Variants in WDR25 observed in about 807,000 individuals in gnomAD.
The protein encoded by WDR25 is WD repeat domain 25.
WDR25 carries 35 observed loss-of-function variants against 47.7 expected under a neutral mutation model. The ratio of observed to expected loss-of-function variants is 0.73; its 90% confidence interval spans 0.56 to 0.97. The LOEUF is 0.97. Among genes scored for constraint, WDR25 ranks in the 50% least tolerant of loss-of-function variants. The pLI, the probability that WDR25 is intolerant of heterozygous loss-of-function variation, is 0.00. For synonymous variants in WDR25, 248 were observed against 278.9 expected, an observed-to-expected ratio of 0.89 and a Z score of 1.10; for missense variants, 634 against 704.7, an observed-to-expected ratio of 0.90 and a Z score of 1.14.
rs761829759 is a variant in WDR25, at chr14:100,520,840, CT to C, written c.1102-5027del. Among the ~76,000 whole-genome samples, 21 of 152,310 alleles carry C rather than the reference CT, an allele frequency of 1.4e-4. 2 individuals carry two copies. The East Asian group carries it at 2.3e-3, about 17-fold the overall frequency. The stretch of plus-strand genomic sequence containing the variant: ...GGTGGAGGTCCTGTTGTTACCCCTA[CT>C]TTACAGGTATGGAGACTGAAGAACA... On this transcript the variant is annotated intron_variant, in intron 4 of 6. Coordinates refer to ENST00000402312, the MANE Select transcript of WDR25 (RefSeq NM_001161476.3).
At chr14:100,504,713 T>G (rs1351600810) in intron 4 of WDR25, 3 of 152,264 alleles carry the variant, frequency 2.0e-5, no homozygotes, top group African/African-American at 7.2e-5. Context: ...TATGTGAATA[T>G]ACATTTTCCT....
In WDR25 at chr14:100,525,764, A is replaced by G; in HGVS notation, c.1102-106A>G. The G allele has an allele frequency of 7.3e-7, 1 of 1,365,894 alleles. No homozygotes were observed. Among genetic ancestry groups the G allele is most frequent in the Non-Finnish European group, 9.9e-7 (1 of 1,008,366 alleles). 84.6% of individuals were successfully genotyped at this position (1,365,894 alleles called of 1,614,324 possible). A position where few individuals can be genotyped will look rare whatever the true frequency, so the allele number is the denominator to read the frequency against. On this transcript the variant is annotated intron_variant, in intron 4 of 6. Coordinates refer to ENST00000402312, the MANE Select transcript of WDR25 (RefSeq NM_001161476.3). The surrounding 1 kb of genome is among the most constrained non-coding windows in gnomAD (Gnocchi z 4.6). ...TCAGCCTGGGTGTGTGTGGCCCAGC[A>G]TAAACTTCACTAAACCTGCCTGCCC...
At chr14:100,504,549 G>A (rs1397723338) in intron 4 of WDR25, 1 of 152,130 alleles carries the variant, frequency 6.6e-6, no homozygotes, top group Non-Finnish European at 1.5e-5. Context: ...CATCCCTATT[G>A]TATGTATCAG....
At chr14:100,482,687 A>G (rs1028236746) in intron 3 of WDR25, among the ~76,000 whole-genome samples, 2 of 152,110 alleles carry the variant, frequency 1.3e-5, no homozygotes, top group Non-Finnish European at 1.5e-5. Flanking sequence ...GCCCTTCACT[A>G]ATGTGTGGGG....
chr14:100,519,694 CTA>C (rs572770143), intron 4 of WDR25, among the ~76,000 whole-genome samples: 2 of 141,056 alleles, frequency 1.4e-5, no homozygotes, highest in Non-Finnish European at 3.0e-5. Context: ...ATATAATCAT[CTA>C]TATATAGTAT....
intron 4 of WDR25, among the ~76,000 whole-genome samples, chr14:100,495,781 C>T (rs1412624883): frequency 6.6e-6 from 1 of 152,206 alleles, no homozygotes; most frequent in Non-Finnish European, 1.5e-5. Context: ...CCTTACCTGC[C>T]AGACCATTAA....
chr14:100,494,778 A>G (rs1377789181), intron 4 of WDR25, among the ~76,000 whole-genome samples: 4 of 152,226 alleles, frequency 2.6e-5, no homozygotes, highest in Admixed American at 2.6e-4. Flanking sequence ...GGCGGGAGCC[A>G]GTGGCGGTTG....
In WDR25 at chr14:100,440,372, C is replaced by T. The variant is rs1009928649; in HGVS notation, c.823-27649C>T. ...CCCTTCGGCCACGGCAGCGGGGTGG[C>T]GCCAGACACCTGGCTTTGAGTCCCG... On this transcript the variant is annotated intron_variant, in intron 2 of 6. Coordinates refer to ENST00000402312, the MANE Select transcript of WDR25 (RefSeq NM_001161476.3). This position sits in a 1 kb window ranked among gnomAD's most constrained non-coding sequence, Gnocchi z 4.4. 2.6e-5 allele frequency among the ~76,000 whole-genome samples: 4 copies of T among 152,364 alleles called. No homozygotes were observed. Among genetic ancestry groups the T allele is most frequent in the Non-Finnish European group, 2.9e-5 (2 of 68,034 alleles).
At position 100,490,712 on chromosome 14, in the gene WDR25, G is replaced by A. The variant is rs770798716; in HGVS notation, c.1101+6588G>A. Among the ~76,000 whole-genome samples the A allele has an allele frequency of 1.7e-4, 26 of 152,234 alleles. 1 individual carries two copies. The highest frequency in any genetic ancestry group is 1.0e-4 in the Non-Finnish European group (7 of 68,040). On this transcript the variant is annotated intron_variant, in intron 4 of 6. Transcript: ENST00000402312. ...TGGTTTCTGTGGGGCTTCTGCCCCA[G>A]TGGGTGAGACTGTCTTTGAGATTTG...
intron 4 of WDR25, among the ~76,000 whole-genome samples, chr14:100,518,378 T>C (rs543658117): frequency 2.6e-5 from 4 of 152,330 alleles, no homozygotes; most frequent in East Asian, 1.9e-4. Flanking sequence ...TCTTCATTTT[T>C]TTTTTTCCTG....
At chr14:100,475,667 G>A (rs976363315) in intron 3 of WDR25, among the ~76,000 whole-genome samples, 4 of 152,078 alleles carry the variant, frequency 2.6e-5, no homozygotes, top group Non-Finnish European at 5.9e-5. Flanking sequence ...TGATGAAAGG[G>A]TATAAAGTTT....
rs1462804223 is a variant in WDR25 at position 100,468,643 on chromosome 14, T to C, written c.970+475T>C. 6.6e-6 allele frequency among the ~76,000 whole-genome samples: 1 copy of C among 152,146 alleles called. No individual in the cohort carries two copies. The highest frequency in any genetic ancestry group is 6.5e-5 in the Admixed American group (1 of 15,284). Reference sequence around the variant, plus strand: ...GAAAAGGCACTTGGGTAGGATGGATTCGTGCCGGGTAAATCCTGAGAGGGC... The same window carrying C: ...GAAAAGGCACTTGGGTAGGATGGATCCGTGCCGGGTAAATCCTGAGAGGGC... On this transcript the variant is annotated intron_variant, in intron 3 of 6. Coordinates refer to ENST00000402312, the MANE Select transcript of WDR25 (RefSeq NM_001161476.3). The surrounding 1 kb of genome is among the most constrained non-coding windows in gnomAD (Gnocchi z 4.5).
chr14:100,501,138 C>T (rs896739308), intron 4 of WDR25, among the ~76,000 whole-genome samples: 3 of 152,166 alleles, frequency 2.0e-5, no homozygotes, highest in Non-Finnish European at 4.4e-5. Context: ...GCTCTGCCTG[C>T]ACCTCGCTTC....
At chr14:100,393,712 G>A (rs150866153) in intron 2 of WDR25, among the ~76,000 whole-genome samples, 1 of 152,316 alleles carries the variant, frequency 6.6e-6, no homozygotes, top group East Asian at 1.9e-4. Context: ...TTTGCCTGGA[G>A]GGGTGTAGTG....
chr14:100,453,100 A>G (rs1037697298), intron 2 of WDR25, among the ~76,000 whole-genome samples: 14 of 152,100 alleles, frequency 9.2e-5, no homozygotes, highest in Non-Finnish European at 2.1e-4. Context: ...AGCACTTTGG[A>G]CCATCAAATT....
intron 5 of WDR25, among the ~76,000 whole-genome samples, chr14:100,526,597 A>G (rs1228814610): frequency 6.6e-6 from 1 of 152,014 alleles, no homozygotes; most frequent in South Asian, 2.1e-4. Context: ...AGGGTATAGC[A>G]CAGTGTCAGG....
At chr14:100,427,195 A>G (rs956219550) in intron 2 of WDR25, among the ~76,000 whole-genome samples, 6 of 151,660 alleles carry the variant, frequency 4.0e-5, no homozygotes, top group South Asian at 2.1e-4. Flanking sequence ...TCTGCCTGGG[A>G]CATTCCTTCC....
chr14:100,450,758 G>A lies in WDR25; in HGVS notation c.823-17263G>A, dbSNP rs140206885. On this transcript the variant is annotated intron_variant, in intron 2 of 6. Coordinates refer to ENST00000402312, the MANE Select transcript of WDR25 (RefSeq NM_001161476.3). ...CAACCTCTTCTTCCCCGCAGTTATT[G>A]AGAGAGGGAGTATGTCTTAGGATAA... 5.3e-5 allele frequency among the ~76,000 whole-genome samples: 8 copies of A among 152,328 alleles called. No homozygotes were observed. The East Asian group carries it at 1.5e-3, about 29-fold the overall frequency.
intron 2 of WDR25, among the ~76,000 whole-genome samples, chr14:100,467,473 C>G (rs1207934598): frequency 6.6e-6 from 1 of 152,192 alleles, no homozygotes; most frequent in East Asian, 1.9e-4. Flanking sequence ...GGGTAGGTGA[C>G]CGGCAGACAC....
Sources: gnomAD v4.1 joint callset for allele counts (sites outside exome capture counted in the v4.1 genomes callset) on GRCh38, gnomAD v4.1.1 for gene constraint, Gnocchi (gnomAD v3.1) non-coding constraint, MANE v1.5 for transcripts, NCBI Gene and HGNC (gene_info 2026-07-23, HGNC 2026-07-21) for gene names.